The following MVD variants were observed in gnomAD, a reference collection of about 807,000 sequenced individuals.
MVD encodes diphosphomevalonate decarboxylase.
Under a neutral mutation model 42.4 loss-of-function variants are expected in MVD, and 52 were observed. That is an observed-to-expected ratio of 1.23 (90% CI 0.98 to 1.55). The LOEUF (loss-of-function observed/expected upper bound fraction) is 1.55. Ranked by LOEUF, MVD falls within the 40% of genes most tolerant of loss-of-function variation. MVD has a pLI of 0.00. For missense variants in MVD, 663 were observed against 572.1 expected, an observed-to-expected ratio of 1.16 and a Z score of -1.62; for synonymous variants, 287 against 243.2, an observed-to-expected ratio of 1.18 and a Z score of -1.68.
At chr16:88,654,159 G>A (rs1324402968) in intron 8 of MVD, among the ~76,000 whole-genome samples, 5 of 151,682 alleles carry the variant, frequency 3.3e-5, no homozygotes, top group African/African-American at 1.2e-4. Context: ...GCGGTTCAGG[G>A]CCAAGCTGTG....
intron 1 of MVD, chr16:88,660,430 A>G (rs1323199270): frequency 6.6e-6 from 1 of 151,938 alleles, no homozygotes; most frequent in Non-Finnish European, 1.5e-5. Flanking sequence ...AGATCACTTG[A>G]GGTCAGGAGT....
intron 9 of MVD, among the ~76,000 whole-genome samples, chr16:88,652,832 G>C (rs1426757336): frequency 2.6e-5 from 4 of 152,196 alleles, no homozygotes; most frequent in Admixed American, 1.3e-4. Flanking sequence ...TCTGTCACAG[G>C]GGGGACAGAG....
At chr16:88,654,034 C>T (rs560423958) in intron 8 of MVD, among the ~76,000 whole-genome samples, 4 of 152,162 alleles carry the variant, frequency 2.6e-5, no homozygotes, top group Admixed American at 1.3e-4. Context: ...CATGAAAACA[C>T]GGGAGGGAAG....
intron 8 of MVD, among the ~76,000 whole-genome samples, chr16:88,653,948 C>T (rs901352569): frequency 2.6e-5 from 4 of 152,088 alleles, no homozygotes; most frequent in African/African-American, 7.2e-5. Context: ...TGCTCCCACC[C>T]GGGACAGACG....
chr16:88,653,304 G>A lies in MVD; in HGVS notation c.1118C>T (p.Thr373Ile). 1 of 1,598,184 alleles carries A rather than the reference G, an allele frequency of 6.3e-7. No individual in the cohort carries two copies. The highest frequency in any genetic ancestry group is 8.5e-7 in the Non-Finnish European group (1 of 1,175,066). Residue 373 changes from threonine (T) to isoleucine (I), a missense_variant, in exon 9 of 10, where the codon ACT (threonine) becomes ATT (isoleucine). By Grantham distance (89) the Thr-to-Ile change is moderately conservative. Transcript: ENST00000301012. ...TPGGVKYIIVTQVGPGPQILD... is the reference protein window; with the variant it reads ...TPGGVKYIIVIQVGPGPQILD... ...TGGGTGAGCCCCAGGCCTCACCTGA[G>A]TGACAATGATGTATTTGACCCCACC...
intron 4 of MVD, 196 bp from the exon 5 acceptor site, chr16:88,656,500 C>G (rs545302055): frequency 1.6e-6 from 1 of 622,928 alleles, no homozygotes; most frequent in African/African-American, 1.8e-5. Flanking sequence ...GTTCCACTCT[C>G]GGACACTCTC....
At chr16:88,662,717 A>C in intron 1 of MVD, 4 of 1,429,076 alleles carry the variant, frequency 2.8e-6, no homozygotes, top group Non-Finnish European at 3.7e-6. Flanking sequence ...CTTACGATTC[A>C]TGGGAATCGA....
At chr16:88,657,626 C>G (rs1908018308) in intron 3 of MVD, 44 bp from the exon 4 acceptor site, 1 of 1,594,230 alleles carries the variant, frequency 6.3e-7, no homozygotes, top group South Asian at 1.1e-5. Flanking sequence ...CGTCAGCACC[C>G]TGCCCGCCCT....
chr16:88,660,268 C>T (rs1597382989), intron 1 of MVD, among the ~76,000 whole-genome samples: 1 of 152,250 alleles, frequency 6.6e-6, no homozygotes, highest in Non-Finnish European at 1.5e-5. Flanking sequence ...TCCACCAGCG[C>T]GCTATCAAAA....
chr16:88,652,568 G>A lies in MVD; in HGVS notation c.1160C>T (p.Ala387Val), dbSNP rs749765187. The change falls in exon 10 of 10, where the codon GCC becomes GTC. Residue 387 changes from alanine (A) to valine (V), a missense_variant. By Grantham distance (64) the Ala-to-Val change is moderately conservative (BLOSUM62 0). Coordinates refer to ENST00000301012, the MANE Select transcript of MVD (RefSeq NM_002461.3). The part of the protein sequence containing the change: ...PGPQILDDPC[A>V]HLLGPDGLPK... ...CAGGCCGTCAGGACCCAGGAGGTGG[G>A]CGCAGGGGTCATCCAGGATTTGAGG... 7.6e-6 allele frequency: 12 copies of A among 1,571,084 alleles called. No homozygotes were observed. Among genetic ancestry groups the A allele is most frequent in the Middle Eastern group, 1.7e-4 (1 of 6,024 alleles).
rs372796451 is a variant in MVD at position 88,658,043 on chromosome 16, C to G, written c.142-14G>C. 8 of 1,612,914 alleles carry G rather than the reference C, an allele frequency of 5.0e-6. No homozygotes were observed. The highest frequency in any genetic ancestry group is 6.8e-6 in the Non-Finnish European group (8 of 1,179,178). ...GGTGGTTTTTAACTGAAAAGGAAAC[C>G]CAGGGCCACCTCAGAGGCCAGCATT... On this transcript the variant is annotated splice_polypyrimidine_tract_variant and intron_variant, in intron 2 of 9. Transcript: ENST00000301012.
chr16:88,655,854 G>C (rs1907888204), intron 5 of MVD, 124 bp from the exon 6 acceptor site: 1 of 1,242,372 alleles, frequency 8.0e-7, no homozygotes, highest in Non-Finnish European at 1.1e-6. Context: ...AGTGCCACCT[G>C]CCTGACCACA....
At chr16:88,657,848 G>T in intron 3 of MVD, 67 bp downstream of exon 3, 2 of 1,516,432 alleles carry the variant, frequency 1.3e-6, no homozygotes, top group Non-Finnish European at 1.8e-6. Context: ...AGAGGCAGAA[G>T]CACTTTCTGG....
At chr16:88,661,514 G>A (rs914870836) in intron 1 of MVD, among the ~76,000 whole-genome samples, 19 of 152,072 alleles carry the variant, frequency 1.2e-4, no homozygotes, top group Admixed American at 3.3e-4. Flanking sequence ...TTGAGCCAGC[G>A]TGCCCAGCCT....
At chr16:88,662,285 GCACTGA>G (rs1165567375) in intron 1 of MVD, 1 of 155,812 alleles carries the variant, frequency 6.4e-6, no homozygotes, top group Non-Finnish European at 1.4e-5. Flanking sequence ...GAGGGGCAAA[GCACTGA>G]TACAATCCCG....
Position 88,662,949 on chromosome 16 carries a change from AC to A in MVD, c.70+61del, listed in dbSNP as rs952890565. The stretch of plus-strand genomic sequence containing the variant: ...GAGCGCGCCGCCGAATCAGCGCGCG[AC>A]CCCCGCGTACCCGGCCTCGCTCCCG... On this transcript the variant is annotated intron_variant, in intron 1 of 9. Transcript: ENST00000301012. 42 of 1,553,258 alleles carry A rather than the reference AC, an allele frequency of 2.7e-5. 1 individual carries two copies. In the African/African-American group the frequency reaches 2.9e-4, roughly 11 times the overall value.
At chr16:88,660,069 G>C (rs988124213) in intron 1 of MVD, among the ~76,000 whole-genome samples, 2 of 152,026 alleles carry the variant, frequency 1.3e-5, no homozygotes, top group African/African-American at 2.4e-5. Context: ...CCCTGAAGGA[G>C]TGGGGACTTT....
Position 88,658,016 on chromosome 16 carries a change from G to T in MVD, c.155C>A (p.Thr52Lys). The change falls in exon 3 of 10, where the codon ACA becomes AAA. Residue 52 changes from threonine (T) to lysine (K), a missense_variant. Transcript: ENST00000301012. ...TLHQDQLKTT[T>K]TAVISKDFTE... ...GAAGTCCTTGCTGATGACGGCTGTTGTGGTGGTTTTTAACTGAAAAGGAAA... is the reference window on the plus strand; with the variant it reads ...GAAGTCCTTGCTGATGACGGCTGTTTTGGTGGTTTTTAACTGAAAAGGAAA... 1 of 1,614,070 alleles carries T rather than the reference G, an allele frequency of 6.2e-7. No homozygotes were observed. Among genetic ancestry groups the T allele is most frequent in the South Asian group, 1.1e-5 (1 of 91,082 alleles).
chr16:88,653,808 G>A lies in MVD; in HGVS notation c.1014-400C>T, dbSNP rs34653770. ...GGTGCGTTCGTCACCGTGTTCTGCA[G>A]AACAGCGGAAGCCTGCAAGCCCCAC... On this transcript the variant is annotated intron_variant, in intron 8 of 9. Coordinates refer to ENST00000301012, the MANE Select transcript of MVD (RefSeq NM_002461.3). 9.4e-3 allele frequency among the ~76,000 whole-genome samples: 1,433 copies of A among 152,226 alleles called. 9 individuals carry two copies. Among genetic ancestry groups the A allele is most frequent in the Non-Finnish European group, 0.016 (1,062 of 67,994 alleles).
Sources: gnomAD v4.1 joint callset for allele counts (sites outside exome capture counted in the v4.1 genomes callset) on GRCh38, gnomAD v4.1.1 for gene constraint, MANE v1.5 for transcripts, NCBI Gene and HGNC (gene_info 2026-07-23, HGNC 2026-07-21) for gene names.